NRXN1: variants seen among roughly 807,000 people sequenced by gnomAD.
The protein encoded by NRXN1 is neurexin-1.
Under a neutral mutation model 150.9 loss-of-function variants are expected in NRXN1, and 39 were observed. The ratio of observed to expected loss-of-function variants is 0.26; its 90% confidence interval spans 0.20 to 0.34. NRXN1 has a LOEUF of 0.34. Ranked by LOEUF, NRXN1 falls within the 10% of genes least tolerant of loss-of-function variation. The pLI is 1.00. For synonymous variants in NRXN1, 924 were observed against 757.0 expected (o/e 1.22, Z -3.62); for missense variants, 1,815 against 1,949.9 (o/e 0.93, Z 1.30).
chr2:50,842,849 A>T (rs1673072272), intron 5 of NRXN1, among the ~76,000 whole-genome samples: 1 of 152,188 alleles, frequency 6.6e-6, no homozygotes, highest in African/African-American at 2.4e-5. Context: ...CAGACATTTT[A>T]TCCTGGCTAG....
chr2:50,791,083 T>C (rs1198778109), intron 5 of NRXN1, among the ~76,000 whole-genome samples: 2 of 151,566 alleles, frequency 1.3e-5, no homozygotes, highest in Non-Finnish European at 2.9e-5. Context: ...AGTGGATTTA[T>C]GTTGTTTTTT....
chr2:50,619,185 A>C (rs1276453617), intron 8 of NRXN1: 1 of 151,030 alleles, frequency 6.6e-6, no homozygotes, highest in African/African-American at 2.4e-5. Context: ...AGTGAATTCA[A>C]AGTTATTTAA....
intron 18 of NRXN1, among the ~76,000 whole-genome samples, chr2:50,153,213 TATTTCC>T (rs1251966451): frequency 6.6e-6 from 1 of 151,736 alleles, no homozygotes; most frequent in African/African-American, 2.4e-5. Flanking sequence ...TCTTTGTTGC[TATTTCC>T]ATTTTGTTCA....
At chr2:50,874,431 CACCAATAG>C (rs527972727) in intron 5 of NRXN1, among the ~76,000 whole-genome samples, 234 of 151,736 alleles carry the variant, frequency 1.5e-3, no homozygotes, top group Admixed American at 5.1e-3. Context: ...AAACCTGAGG[CACCAATAG>C]GGGTACTGGT....
chr2:49,997,586 G>C (rs920887470), intron 21 of NRXN1, among the ~76,000 whole-genome samples: 89 of 152,108 alleles, frequency 5.9e-4, no homozygotes, highest in African/African-American at 2.1e-3. Context: ...ATCTACTAGT[G>C]CAAGGTAAGG....
chr2:50,109,010 TA>T (rs1329079103), intron 18 of NRXN1, among the ~76,000 whole-genome samples: 1 of 152,084 alleles, frequency 6.6e-6, no homozygotes, highest in African/African-American at 2.4e-5. Context: ...TACATTCTCA[TA>T]AGGAGTGGCA....
intron 17 of NRXN1, among the ~76,000 whole-genome samples, chr2:50,278,275 TTA>T (rs1491236361): frequency 1.1e-4 from 10 of 87,670 alleles, no homozygotes; most frequent in South Asian, 3.0e-4. Context: ...TATATATGTA[TTA>T]TATATATAAT....
rs1004517070 is a variant in NRXN1 at position 50,123,808 on chromosome 2, A to G, written c.3547-32314T>C. Among the ~76,000 whole-genome samples the G allele has an allele frequency of 2.0e-5, 3 of 152,178 alleles. No homozygotes were observed. In the East Asian group the frequency reaches 5.8e-4, roughly 29 times the overall value. On this transcript the variant is annotated intron_variant, in intron 18 of 22. Transcript: ENST00000401669. ...GATTTCAAGGTTTTTGGAAAAGGCAACAGGCAGTATGAATTGCTATCCCTT... is the reference window on the plus strand; with the variant it reads ...GATTTCAAGGTTTTTGGAAAAGGCAGCAGGCAGTATGAATTGCTATCCCTT...
At chr2:50,948,155 A>G (rs1223675015) in intron 2 of NRXN1, among the ~76,000 whole-genome samples, 1 of 151,988 alleles carries the variant, frequency 6.6e-6, no homozygotes, top group Non-Finnish European at 1.5e-5. Flanking sequence ...TTGTCTCTAA[A>G]TACACTTGAA....
At chr2:51,013,484 G>A (rs1277958527) in intron 2 of NRXN1, among the ~76,000 whole-genome samples, 1 of 145,688 alleles carries the variant, frequency 6.9e-6, no homozygotes. Flanking sequence ...ATTAGGTTTT[G>A]TAGGGGGAGG....
intron 18 of NRXN1, among the ~76,000 whole-genome samples, chr2:50,110,061 G>A (rs140455306): frequency 6.6e-6 from 1 of 152,226 alleles, no homozygotes; most frequent in East Asian, 1.9e-4. Context: ...AATGAAGATG[G>A]CATGGGAATA....
At chr2:50,066,579 C>G (rs1398981889) in intron 19 of NRXN1, among the ~76,000 whole-genome samples, 1 of 152,098 alleles carries the variant, frequency 6.6e-6, no homozygotes, top group Non-Finnish European at 1.5e-5. Context: ...TCCTGAACTT[C>G]ATAATGCTAT....
Position 50,110,847 on chromosome 2 carries a change from C to G in NRXN1, c.3547-19353G>C, listed in dbSNP as rs1457996052. Among the ~76,000 whole-genome samples, 5 of 152,072 alleles carry G rather than the reference C, an allele frequency of 3.3e-5. No individual in the cohort carries two copies. The South Asian group carries it at 6.2e-4, about 19-fold the overall frequency. On this transcript the variant is annotated intron_variant, in intron 18 of 22. Coordinates refer to ENST00000401669, the MANE Select transcript of NRXN1 (RefSeq NM_001330078.2). The stretch of plus-strand genomic sequence containing the variant: ...TCACATTATTAGTTATAAAATTTTT[C>G]TATTGTTCCCCTATTGAAAGTTTAA...
intron 2 of NRXN1, among the ~76,000 whole-genome samples, chr2:51,005,818 T>A (rs1270094988): frequency 6.6e-6 from 1 of 151,866 alleles, no homozygotes; most frequent in Non-Finnish European, 1.5e-5. Context: ...TGGATTTAAT[T>A]CCCCCTTGAA....
intron 12 of NRXN1, among the ~76,000 whole-genome samples, chr2:50,520,660 T>C (rs1361154946): frequency 6.6e-6 from 1 of 152,018 alleles, no homozygotes; most frequent in Non-Finnish European, 1.5e-5. Context: ...CTTAATTGAT[T>C]GCATAAAGAA....
intron 21 of NRXN1, among the ~76,000 whole-genome samples, chr2:50,046,232 G>A (rs957515043): frequency 1.3e-5 from 2 of 152,170 alleles, no homozygotes; most frequent in African/African-American, 4.8e-5. Context: ...TGCAGTGTGT[G>A]TAGTCCTCAT....
At chr2:50,801,906 T>C (rs1245551575) in intron 5 of NRXN1, among the ~76,000 whole-genome samples, 1 of 152,154 alleles carries the variant, frequency 6.6e-6, no homozygotes, top group Non-Finnish European at 1.5e-5. Context: ...TTCTATGGGT[T>C]CTCTGTCATG....
At position 50,575,033 on chromosome 2, in the gene NRXN1, T is replaced by C. The variant is rs549379461; in HGVS notation, c.1321-22008A>G. Among the ~76,000 whole-genome samples the C allele has an allele frequency of 3.3e-5, 5 of 152,336 alleles. No individual in the cohort carries two copies. In the East Asian group the frequency reaches 9.7e-4, roughly 29 times the overall value. ...CAATGTATCACCAAAACACTTAACT[T>C]ACAGGATGTATTGCCACGTGAGGTG... On this transcript the variant is annotated intron_variant, in intron 8 of 22. Coordinates refer to ENST00000401669, the MANE Select transcript of NRXN1 (RefSeq NM_001330078.2).
At chr2:50,219,469 T>C (rs1443634112) in intron 18 of NRXN1, among the ~76,000 whole-genome samples, 1 of 151,950 alleles carries the variant, frequency 6.6e-6, no homozygotes, top group Non-Finnish European at 1.5e-5. Flanking sequence ...ATTTATACAA[T>C]TTTATTGGCA....
Sources: gnomAD v4.1 joint callset for allele counts (sites outside exome capture counted in the v4.1 genomes callset) on GRCh38, gnomAD v4.1.1 for gene constraint, MANE v1.5 for transcripts, NCBI Gene and HGNC (gene_info 2026-07-23, HGNC 2026-07-21) for gene names.